Variants in HJURP observed in about 807,000 individuals in gnomAD.
The protein encoded by HJURP is 14-3-3-associated AKT substrate.
Under a neutral mutation model 72.0 loss-of-function variants are expected in HJURP, and 49 were observed. The observed-to-expected ratio is 0.68, with a 90% confidence interval of 0.54 to 0.86. HJURP has a LOEUF of 0.86. Among genes scored for constraint, HJURP ranks in the 40% least tolerant of loss-of-function variants. HJURP has a pLI of 0.00. For synonymous variants in HJURP, 357 were observed against 347.1 expected (o/e 1.03, Z -0.32); for missense variants, 908 against 936.3 (o/e 0.97, Z 0.39).
chr2:233,847,695 C>T (rs751178397), intron 4 of HJURP, among the ~76,000 whole-genome samples: 6 of 152,210 alleles, frequency 3.9e-5, no homozygotes, highest in Admixed American at 6.5e-5. Context: ...TTCTGCACCA[C>T]CTCCAGCTTT....
In HJURP at chr2:233,846,043, T is replaced by C; in HGVS notation, c.403-223A>G. On this transcript the variant is annotated intron_variant, in intron 5 of 8. Coordinates refer to ENST00000411486, the MANE Select transcript of HJURP (RefSeq NM_018410.5). This position sits in a 1 kb window ranked among gnomAD's most constrained non-coding sequence, Gnocchi z 4.3. The stretch of plus-strand genomic sequence containing the variant: ...GACACACACACACAAAAAAACCATG[T>C]CTAGAGAAGTTTATGACAGCATTGC... The C allele has an allele frequency of 2.1e-6, 1 of 474,318 alleles. No individual in the cohort carries two copies. Among genetic ancestry groups the C allele is most frequent in the Non-Finnish European group, 3.7e-6 (1 of 267,186 alleles). 29.4% of individuals were successfully genotyped at this position (474,318 alleles called of 1,614,324 possible).
rs145861404 is a variant in HJURP at position 233,842,194 on chromosome 2, G to A, written c.586C>T (p.Arg196Cys). Residue 196 changes from arginine to cysteine, a missense_variant, in exon 8 of 9, where the codon CGT becomes TGT. Around this residue, in one of 3 missense-constraint regions of HJURP, gnomAD observed 299 missense variants for 286.7 expected, o/e 1.04. Transcript: ENST00000411486. Reference sequence around the variant, plus strand: ...TCACCAGGACTCTTTCTGGAGATACGACTGCAGTATCCTGGGAGAAAAGAT... The same window carrying A: ...TCACCAGGACTCTTTCTGGAGATACAACTGCAGTATCCTGGGAGAAAAGAT... ...PAVPAPGYCSRISRKSPGDPA... is the reference protein window; with the variant it reads ...PAVPAPGYCSCISRKSPGDPA... 6.8e-6 allele frequency: 11 copies of A among 1,608,788 alleles called. No individual in the cohort carries two copies. The highest frequency in any genetic ancestry group is 1.3e-5 in the African/African-American group (1 of 74,714).
At chr2:233,852,699 C>A (rs1462393406) in intron 2 of HJURP, 79 bp from the exon 3 acceptor site, 5 of 1,040,356 alleles carry the variant, frequency 4.8e-6, no homozygotes, top group Middle Eastern at 2.0e-4. Flanking sequence ...CACCAGATGC[C>A]AAAGTGACAG....
At chr2:233,849,956 C>T in intron 3 of HJURP, 97 bp from the exon 4 acceptor site, 1 of 725,476 alleles carries the variant, frequency 1.4e-6, no homozygotes, top group South Asian at 1.6e-5. Flanking sequence ...TCTGTTAACA[C>T]AGGAGACAGC....
At chr2:233,853,793 C>T (rs749355098) in intron 2 of HJURP, 51 bp downstream of exon 2, 1 of 1,443,436 alleles carries the variant, frequency 6.9e-7, no homozygotes, top group Middle Eastern at 1.8e-4. Context: ...ATTTCAACTA[C>T]TCCATTCACA....
chr2:233,849,555 TTCATA>T (rs1305652760), intron 4 of HJURP, among the ~76,000 whole-genome samples: 3 of 152,162 alleles, frequency 2.0e-5, no homozygotes, highest in African/African-American at 7.2e-5. Flanking sequence ...CTGAGTACCA[TTCATA>T]TGTCAGGCAC....
At chr2:233,853,284 C>T (rs139230217) in intron 2 of HJURP, among the ~76,000 whole-genome samples, 1 of 152,312 alleles carries the variant, frequency 6.6e-6, no homozygotes, top group East Asian at 1.9e-4. Context: ...CAAAGTGTCA[C>T]CAGCTATTTA....
In HJURP at chr2:233,841,017, T is replaced by C. The variant is rs1347369083; in HGVS notation, c.1763A>G (p.His588Arg). 6.2e-7 allele frequency: 1 copy of C among 1,614,232 alleles called. No individual in the cohort carries two copies. The highest frequency in any genetic ancestry group is 1.7e-5 in the Admixed American group (1 of 60,032). The change falls in exon 8 of 9, where the codon CAT becomes CGT. Residue 588 changes from histidine to arginine, a missense_variant. Coordinates refer to ENST00000411486, the MANE Select transcript of HJURP (RefSeq NM_018410.5). ...AGGAGATTTGAGGCAATACTTTTGA[T>C]GAAGCTTGTCAAATTCTTCTTTAAT... ...DEIKEEFDKL[H>R]QKYCLKSPGQ... is the part of the protein sequence containing the mutation.
chr2:233,840,915 C>T lies in HJURP; in HGVS notation c.1865G>A (p.Gly622Asp). ...GTCTGGATTTAATTTTCCTAAGAAGCCTTCTGTTTGATATCGAACTTCCAT... is the reference window on the plus strand; with the variant it reads ...GTCTGGATTTAATTTTCCTAAGAAGTCTTCTGTTTGATATCGAACTTCCAT... ...ASMEVRYQTE[G>D]FLGKLNPDPH... Residue 622 changes from glycine to aspartate, a missense_variant, in exon 8 of 9, where the codon GGC becomes GAC. Transcript: ENST00000411486. 2 of 1,614,118 alleles carry T rather than the reference C, an allele frequency of 1.2e-6. No individual in the cohort carries two copies. Among genetic ancestry groups the T allele is most frequent in the Non-Finnish European group, 8.5e-7 (1 of 1,180,038 alleles).
At chr2:233,854,088 C>A (rs924001344) in intron 1 of HJURP, among the ~76,000 whole-genome samples, 178 bp from the exon 2 acceptor site, 2 of 152,084 alleles carry the variant, frequency 1.3e-5, no homozygotes, top group Non-Finnish European at 2.9e-5. Context: ...GCACCCCCAG[C>A]CCCACCAAAC....
rs1488956223 is a variant in HJURP at position 233,846,113 on chromosome 2, G to T, written c.403-293C>A. 2 of 276,266 alleles carry T rather than the reference G, an allele frequency of 7.2e-6. No individual in the cohort carries two copies. The highest frequency in any genetic ancestry group is 2.2e-5 in the African/African-American group (1 of 45,630). 17.1% of individuals were successfully genotyped at this position (276,266 alleles called of 1,614,324 possible). A position where few individuals can be genotyped will look rare whatever the true frequency, so the allele number is the denominator to read the frequency against. ...TCTGAATATTCATAGGTGAGTTCAG[G>T]ACTCAACTACTGGTAATAACTTCAA... On this transcript the variant is annotated intron_variant, in intron 5 of 8. Coordinates refer to ENST00000411486, the MANE Select transcript of HJURP (RefSeq NM_018410.5). This position sits in a 1 kb window ranked among gnomAD's most constrained non-coding sequence, Gnocchi z 4.3.
chr2:233,847,775 T>C (rs1231226467), intron 4 of HJURP, among the ~76,000 whole-genome samples: 2 of 152,192 alleles, frequency 1.3e-5, no homozygotes, highest in East Asian at 1.9e-4. Flanking sequence ...CCGGTGACCA[T>C]GGAAAGTTCT....
Position 233,846,024 on chromosome 2 carries a change from C to A in HJURP, c.403-204G>T. On this transcript the variant is annotated intron_variant, in intron 5 of 8. Coordinates refer to ENST00000411486, the MANE Select transcript of HJURP (RefSeq NM_018410.5). The surrounding 1 kb of genome is among the most constrained non-coding windows in gnomAD (Gnocchi z 4.3). ...ATCCAAAAGAATGTAAAAAGACACACACACACAAAAAAACCATGTCTAGAG... is the reference window on the plus strand; with the variant it reads ...ATCCAAAAGAATGTAAAAAGACACAAACACACAAAAAAACCATGTCTAGAG... 4.0e-6 allele frequency: 2 copies of A among 506,200 alleles called. No homozygotes were observed. The highest frequency in any genetic ancestry group is 3.5e-4 in the Middle Eastern group (1 of 2,886). 31.4% of individuals were successfully genotyped at this position (506,200 alleles called of 1,614,324 possible).
intron 1 of HJURP, 90 bp downstream of exon 1, chr2:233,854,294 C>G (rs1407877333): frequency 1.7e-5 from 15 of 883,188 alleles, no homozygotes; most frequent in Admixed American, 2.4e-5. Context: ...TCCGAGTCCT[C>G]AGAGCCCCTT....
intron 6 of HJURP, 95 bp from the exon 7 acceptor site, chr2:233,844,378 C>T: frequency 1.2e-6 from 1 of 866,216 alleles, no homozygotes; most frequent in Non-Finnish European, 1.9e-6. Flanking sequence ...GACTGTGCAT[C>T]TTAGCACAGC....
Position 233,839,573 on chromosome 2 carries a change from G to A in HJURP, c.2171+1036C>T, listed in dbSNP as rs529428442. Among the ~76,000 whole-genome samples, 4 of 152,332 alleles carry A rather than the reference G, an allele frequency of 2.6e-5. No individual in the cohort carries two copies. The East Asian group carries it at 7.7e-4, about 29-fold the overall frequency. On this transcript the variant is annotated intron_variant, in intron 8 of 8. Transcript: ENST00000411486. ...AGTGTGGTCTCTGCCATGCACAGGC[G>A]GGACTGCAGGCTTCGAAGGCAGGCA...
intron 6 of HJURP, among the ~76,000 whole-genome samples, chr2:233,844,808 C>A (rs1175620907): frequency 6.6e-6 from 1 of 152,216 alleles, no homozygotes; most frequent in African/African-American, 2.4e-5. Flanking sequence ...CACATACACC[C>A]CTGTGAGATT....
At position 233,854,505 on chromosome 2, in the gene HJURP, C is replaced by T. The variant is rs1207315943; in HGVS notation, c.-5G>A. On this transcript the variant is annotated 5_prime_UTR_variant, in exon 1 of 9. Coordinates refer to ENST00000411486, the MANE Select transcript of HJURP (RefSeq NM_018410.5). ...GGCGCGCAGCGTACCCAGCATCGGA[C>T]CCAGCCAGTACCCAAGCGCCAACCC... 1.2e-6 allele frequency: 2 copies of T among 1,606,570 alleles called. No individual in the cohort carries two copies. Among genetic ancestry groups the T allele is most frequent in the Non-Finnish European group, 1.7e-6 (2 of 1,175,278 alleles).
At chr2:233,853,486 G>A (rs1389202958) in intron 2 of HJURP, among the ~76,000 whole-genome samples, 1 of 152,184 alleles carries the variant, frequency 6.6e-6, no homozygotes, top group African/African-American at 2.4e-5. Context: ...GGGATTGTAC[G>A]TGACTGTTAC....
Sources: gnomAD v4.1 joint callset for allele counts (sites outside exome capture counted in the v4.1 genomes callset) on GRCh38, gnomAD v4.1.1 for gene constraint, gnomAD v4.1.1 regional missense constraint, Gnocchi (gnomAD v3.1) non-coding constraint, MANE v1.5 for transcripts, NCBI Gene and HGNC (gene_info 2026-07-23, HGNC 2026-07-21) for gene names.